The following KLHL29 variants were observed in gnomAD, a reference collection of about 807,000 sequenced individuals.
KLHL29 encodes kelch like family member 29.
KLHL29 carries 21 observed loss-of-function variants against 80.4 expected under a neutral mutation model. The observed-to-expected ratio is 0.26, with a 90% CI of 0.19 to 0.38. KLHL29 has a LOEUF of 0.38. KLHL29 is among the 10% of genes least tolerant of loss of function. KLHL29 has a pLI of 1.00. For missense variants in KLHL29, 867 were observed against 1,223.9 expected (o/e 0.71, Z 4.35); for synonymous variants, 511 against 526.8 (o/e 0.97, Z 0.41).
chr2:23,639,993 G>C (rs1016913996), intron 4 of KLHL29, among the ~76,000 whole-genome samples: 1 of 152,142 alleles, frequency 6.6e-6, no homozygotes, highest in African/African-American at 2.4e-5. Context: ...ACTCAACAGT[G>C]GTCTGCCCGG....
At position 23,682,444 on chromosome 2, in the gene KLHL29, T is replaced by C. The variant is rs2149189396; in HGVS notation, c.941-1955T>C. 6.6e-6 allele frequency among the ~76,000 whole-genome samples: 1 copy of C among 152,296 alleles called. No homozygotes were observed. The highest frequency in any genetic ancestry group is 1.5e-5 in the Non-Finnish European group (1 of 68,020). On this transcript the variant is annotated intron_variant, in intron 5 of 13. Coordinates refer to ENST00000486442, the MANE Select transcript of KLHL29 (RefSeq NM_052920.2). This position sits in a 1 kb window ranked among gnomAD's most constrained non-coding sequence, Gnocchi z 4.1. Reference sequence around the variant, plus strand: ...CTGCACGGCGCTATCTTGCCTCCCATTGGCCTCCCAAGCCACTCCCCATCC... The same window carrying C: ...CTGCACGGCGCTATCTTGCCTCCCACTGGCCTCCCAAGCCACTCCCCATCC...
At chr2:23,394,653 T>C (rs1026339843) in intron 1 of KLHL29, among the ~76,000 whole-genome samples, 1 of 152,254 alleles carries the variant, frequency 6.6e-6, no homozygotes, top group African/African-American at 2.4e-5. Context: ...AAAAAAATCA[T>C]ATGTTTAGCC....
chr2:23,408,234 C>T (rs1423341948), intron 1 of KLHL29, among the ~76,000 whole-genome samples: 4 of 113,046 alleles, frequency 3.5e-5, no homozygotes, highest in Admixed American at 1.4e-4. Flanking sequence ...TCTTGTATAG[C>T]CCAGAGGAAA....
intron 2 of KLHL29, among the ~76,000 whole-genome samples, chr2:23,526,410 C>T (rs1372520323): frequency 2.0e-5 from 3 of 152,092 alleles, no homozygotes; most frequent in South Asian, 4.1e-4. Context: ...TAAGGAACGC[C>T]GAGGAGGCAC....
At chr2:23,412,127 G>GCC (rs1353716717) in intron 1 of KLHL29, among the ~76,000 whole-genome samples, 1 of 134,528 alleles carries the variant, frequency 7.4e-6, no homozygotes, top group Non-Finnish European at 1.5e-5. Context: ...CGTGAAGGGG[G>GCC]GGGGGGGGCG....
rs757161816 is a variant in KLHL29 at position 23,562,316 on chromosome 2, T to TGGC, written c.124_126dup (p.Gly42dup). On this transcript the variant is annotated inframe_insertion, in exon 3 of 14. Coordinates refer to ENST00000486442, the MANE Select transcript of KLHL29 (RefSeq NM_052920.2). The surrounding 1 kb of genome is among the most constrained non-coding windows in gnomAD (Gnocchi z 4.5). ...TCTGCAGTGTCACCTCGGGGGCCGG[T>TGGC]GGCGGCACAGCCAGCAGCCTCAGCG... 6.5e-7 allele frequency: 1 copy of TGGC among 1,545,088 alleles called. No homozygotes were observed. Among genetic ancestry groups the TGGC allele is most frequent in the Non-Finnish European group, 8.7e-7 (1 of 1,143,988 alleles).
At chr2:23,640,345 T>C (rs978996166) in intron 4 of KLHL29, among the ~76,000 whole-genome samples, 1 of 152,218 alleles carries the variant, frequency 6.6e-6, no homozygotes, top group Non-Finnish European at 1.5e-5. Context: ...TCTTTAGGTC[T>C]CTTGTACCCT....
intron 5 of KLHL29, among the ~76,000 whole-genome samples, chr2:23,677,641 A>C (rs1195177009): frequency 6.6e-6 from 1 of 152,192 alleles, no homozygotes; most frequent in East Asian, 1.9e-4. Context: ...GAAGAAATGC[A>C]TATCTGATCA....
At chr2:23,536,914 ACACACT>A (rs1666681242) in intron 2 of KLHL29, among the ~76,000 whole-genome samples, 1 of 72,354 alleles carries the variant, frequency 1.4e-5, no homozygotes, top group Non-Finnish European at 2.4e-5. Flanking sequence ...ACACACACAC[ACACACT>A]CTCTCTCTCC....
At chr2:23,504,363 TG>T (rs1665535686) in intron 2 of KLHL29, among the ~76,000 whole-genome samples, 1 of 151,932 alleles carries the variant, frequency 6.6e-6, no homozygotes, top group Admixed American at 6.6e-5. Flanking sequence ...AGGGTCGGAG[TG>T]GGGGCCACTT....
Position 23,525,726 on chromosome 2 carries a change from GCCCCCC to G in KLHL29, c.-45-36419_-45-36414del, listed in dbSNP as rs746729913. On this transcript the variant is annotated intron_variant, in intron 2 of 13. Coordinates refer to ENST00000486442, the MANE Select transcript of KLHL29 (RefSeq NM_052920.2). Reference sequence around the variant, plus strand: ...AGAGGCCGAGTGAGCCCCAGCCCCTGCCCCCCCCCCCCACCCGAGGCGAGCCAGCAG... The same window carrying G: ...AGAGGCCGAGTGAGCCCCAGCCCCTGCCCCCCACCCGAGGCGAGCCAGCAG... Among the ~76,000 whole-genome samples, 69 of 62,608 alleles carry G rather than the reference GCCCCCC, an allele frequency of 1.1e-3. 1 individual carries two copies. Among genetic ancestry groups the G allele is most frequent in the Middle Eastern group, 9.4e-3 (1 of 106 alleles). The allele number at this position is 62,608 out of a possible 152,430, so 41.1% of individuals were successfully genotyped here. A position where few individuals can be genotyped will look rare whatever the true frequency, so the allele number is the denominator to read the frequency against.
At chr2:23,626,081 T>G (rs941635089) in intron 3 of KLHL29, among the ~76,000 whole-genome samples, 2 of 151,874 alleles carry the variant, frequency 1.3e-5, no homozygotes, top group African/African-American at 2.4e-5. Flanking sequence ...AATTTTTCCA[T>G]GCATGGGGGT....
At chr2:23,436,188 C>A in intron 1 of KLHL29, among the ~76,000 whole-genome samples, 1 of 151,976 alleles carries the variant, frequency 6.6e-6, no homozygotes, top group Middle Eastern at 3.4e-3. Flanking sequence ...GTATTTCTTG[C>A]GTATTCCCCG....
intron 3 of KLHL29, among the ~76,000 whole-genome samples, chr2:23,584,989 G>A (rs979624076): frequency 3.3e-5 from 5 of 152,172 alleles, no homozygotes; most frequent in Non-Finnish European, 7.3e-5. Flanking sequence ...ACCCACCTTG[G>A]CCTCCCAAAG....
At chr2:23,432,049 C>G (rs1663197719) in intron 1 of KLHL29, among the ~76,000 whole-genome samples, 1 of 152,122 alleles carries the variant, frequency 6.6e-6, no homozygotes, top group Admixed American at 6.5e-5. Flanking sequence ...ACGTCAATTC[C>G]AGATCACCAT....
chr2:23,701,718 A>G (rs1183923254), intron 11 of KLHL29, among the ~76,000 whole-genome samples: 1 of 152,010 alleles, frequency 6.6e-6, no homozygotes, highest in East Asian at 1.9e-4. Flanking sequence ...CCCTGCCTCA[A>G]ACAAACAAAC....
chr2:23,584,575 G>A (rs1668069985), intron 3 of KLHL29, among the ~76,000 whole-genome samples: 2 of 152,170 alleles, frequency 1.3e-5, no homozygotes, highest in African/African-American at 4.8e-5. Flanking sequence ...AGCCTTTGGC[G>A]ACATTGTAAT....
chr2:23,685,454 G>C (rs1344932178), intron 6 of KLHL29: 2 of 152,286 alleles, frequency 1.3e-5, no homozygotes, highest in East Asian at 1.9e-4. Flanking sequence ...AGCCGGGACT[G>C]TGCTCAGAGG....
chr2:23,459,683 C>T (rs764487760), intron 1 of KLHL29, among the ~76,000 whole-genome samples: 1 of 152,190 alleles, frequency 6.6e-6, no homozygotes, highest in Admixed American at 6.5e-5. Context: ...TCTGACTTGT[C>T]GGTGCATGCA....
Sources: allele counts gnomAD v4.1 joint callset (sites outside exome capture counted in the v4.1 genomes callset), GRCh38; gene constraint gnomAD v4.1.1; non-coding constraint Gnocchi (gnomAD v3.1); transcripts MANE v1.5; gene names NCBI Gene and HGNC (gene_info 2026-07-23, HGNC 2026-07-21).